Variants in ROBO1 observed in about 807,000 individuals in gnomAD.
ROBO1 encodes roundabout guidance receptor 1, also known as roundabout homolog 1.
Under a neutral mutation model 195.9 loss-of-function variants are expected in ROBO1, and 149 were observed. That is an observed-to-expected ratio of 0.76 (90% CI 0.67 to 0.87). ROBO1 has a LOEUF of 0.87. ROBO1 is among the 40% of genes least tolerant of loss of function. The probability of loss-of-function intolerance (pLI) is 0.00; values close to 1 mark genes in which losing one functional copy is unlikely to be tolerated. For synonymous variants in ROBO1, 816 were observed against 733.2 expected, an observed-to-expected ratio of 1.11 and a Z score of -1.82; for missense variants, 1,933 against 2,068.3, an observed-to-expected ratio of 0.93 and a Z score of 1.27.
intron 1 of ROBO1, among the ~76,000 whole-genome samples, chr3:79,618,699 T>C (rs1425209093): frequency 2.0e-5 from 3 of 152,204 alleles, no homozygotes; most frequent in African/African-American, 7.2e-5. Context: ...GCCTGTTTCA[T>C]GGTCTCTTCA....
intron 2 of ROBO1, among the ~76,000 whole-genome samples, chr3:79,349,925 C>T (rs1188727948): frequency 2.0e-5 from 3 of 151,960 alleles, no homozygotes; most frequent in Non-Finnish European, 4.4e-5. Context: ...AATGCATGAG[C>T]AACAATAGAA....
At chr3:78,724,787 A>G (rs1370319781) in intron 5 of ROBO1, among the ~76,000 whole-genome samples, 1 of 152,194 alleles carries the variant, frequency 6.6e-6, no homozygotes, top group Non-Finnish European at 1.5e-5. Flanking sequence ...TGGTGCCCCT[A>G]TGTAAGCCAA....
intron 1 of ROBO1, among the ~76,000 whole-genome samples, chr3:79,757,749 AAG>A (rs1704486036): frequency 6.6e-6 from 1 of 152,196 alleles, no homozygotes; most frequent in African/African-American, 2.4e-5. Context: ...ATATTTGAAA[AAG>A]AGGACATGAA....
At chr3:78,934,496 T>C (rs2039693487) in intron 4 of ROBO1, among the ~76,000 whole-genome samples, 1 of 151,986 alleles carries the variant, frequency 6.6e-6, no homozygotes, top group Non-Finnish European at 1.5e-5. Context: ...AGATCCAATA[T>C]AAAGTTAGTT....
intron 1 of ROBO1, among the ~76,000 whole-genome samples, chr3:79,592,836 T>C (rs1944047340): frequency 6.6e-6 from 1 of 152,046 alleles, no homozygotes; most frequent in African/African-American, 2.4e-5. Flanking sequence ...ATATCAAACA[T>C]CATAGTATCA....
intron 1 of ROBO1, among the ~76,000 whole-genome samples, chr3:79,721,453 A>G (rs1702699564): frequency 6.6e-6 from 1 of 152,194 alleles, no homozygotes; most frequent in Admixed American, 6.5e-5. Flanking sequence ...TGATTCAAAT[A>G]TTGGTTTTAC....
intron 2 of ROBO1, among the ~76,000 whole-genome samples, chr3:79,314,972 T>C (rs1576963353): frequency 6.6e-6 from 1 of 152,178 alleles, no homozygotes; most frequent in Non-Finnish European, 1.5e-5. Flanking sequence ...GAGTGGATAG[T>C]AAAGAAAGTT....
At chr3:79,420,822 T>A (rs1451969818) in intron 2 of ROBO1, among the ~76,000 whole-genome samples, 1 of 152,134 alleles carries the variant, frequency 6.6e-6, no homozygotes, top group Non-Finnish European at 1.5e-5. Flanking sequence ...AGTGGACAAT[T>A]TCTCAAAGAA....
At chr3:79,613,390 G>T (rs1222829930) in intron 1 of ROBO1, among the ~76,000 whole-genome samples, 1 of 151,606 alleles carries the variant, frequency 6.6e-6, no homozygotes, top group Non-Finnish European at 1.5e-5. Context: ...AGCTGAGAAA[G>T]AAAGAAAGAA....
chr3:78,883,251 A>T (rs2036293111), intron 4 of ROBO1, among the ~76,000 whole-genome samples: 1 of 152,024 alleles, frequency 6.6e-6, no homozygotes, highest in Admixed American at 6.6e-5. Flanking sequence ...TGGTAAAAAA[A>T]AAAAAGTTAT....
intron 5 of ROBO1, among the ~76,000 whole-genome samples, chr3:78,745,122 A>G (rs1432656714): frequency 2.0e-5 from 3 of 151,932 alleles, no homozygotes; most frequent in African/African-American, 7.3e-5. Flanking sequence ...ATCCTGGCCA[A>G]CACGGTGAAA....
intron 2 of ROBO1, among the ~76,000 whole-genome samples, chr3:79,179,160 C>A (rs1286766176): frequency 6.6e-6 from 1 of 152,108 alleles, no homozygotes; most frequent in Admixed American, 6.5e-5. Context: ...GAGGCCCCAT[C>A]CTCTTAGAAG....
At chr3:79,678,295 A>G (rs925256649) in intron 1 of ROBO1, among the ~76,000 whole-genome samples, 4 of 122,242 alleles carry the variant, frequency 3.3e-5, no homozygotes, top group Non-Finnish European at 7.9e-5. Context: ...ATAAATCACT[A>G]TATATATATA....
chr3:79,200,186 A>G (rs1251611530), intron 2 of ROBO1, among the ~76,000 whole-genome samples: 1 of 151,786 alleles, frequency 6.6e-6, no homozygotes, highest in Admixed American at 6.6e-5. Context: ...GTCACCATTT[A>G]AATTCAAATT....
chr3:79,442,833 G>A (rs1381322524), intron 2 of ROBO1, among the ~76,000 whole-genome samples: 1 of 152,106 alleles, frequency 6.6e-6, no homozygotes, highest in Non-Finnish European at 1.5e-5. Context: ...TGCTTCTCAG[G>A]ATGTATCATA....
chr3:78,817,412 C>A (rs1248619619), intron 4 of ROBO1, among the ~76,000 whole-genome samples: 1 of 151,420 alleles, frequency 6.6e-6, no homozygotes, highest in Non-Finnish European at 1.5e-5. Context: ...ATTTTACATG[C>A]ACTGGAATAC....
At chr3:78,816,774 T>C (rs1199663294) in intron 4 of ROBO1, among the ~76,000 whole-genome samples, 2 of 152,172 alleles carry the variant, frequency 1.3e-5, no homozygotes, top group Non-Finnish European at 2.9e-5. Flanking sequence ...ATGATGCGAC[T>C]GAATTGCTGC....
At chr3:78,859,935 C>T (rs1024805199) in intron 4 of ROBO1, among the ~76,000 whole-genome samples, 6 of 151,946 alleles carry the variant, frequency 3.9e-5, no homozygotes, top group Admixed American at 3.9e-4. Flanking sequence ...AAAAATTAGC[C>T]GGGCGTGGTG....
chr3:78,752,295 C>T (rs926363887), intron 4 of ROBO1, among the ~76,000 whole-genome samples: 7 of 152,156 alleles, frequency 4.6e-5, no homozygotes, highest in African/African-American at 2.4e-5. Flanking sequence ...TCATTTAACA[C>T]ATCTGCACTG....
Sources: gnomAD v4.1 joint callset for allele counts (sites outside exome capture counted in the v4.1 genomes callset) on GRCh38, gnomAD v4.1.1 for gene constraint, MANE v1.5 for transcripts, NCBI Gene and HGNC (gene_info 2026-07-23, HGNC 2026-07-21) for gene names.